Variants in HPSE2 observed in about 807,000 individuals in gnomAD.
HPSE2 encodes the protein inactive heparanase-2.
HPSE2 carries 38 observed loss-of-function variants against 60.5 expected under a neutral mutation model. The ratio of observed to expected loss-of-function variants is 0.63; its 90% CI spans 0.48 to 0.82. The LOEUF is 0.82. Ranked by LOEUF, HPSE2 falls within the 40% of genes least tolerant of loss-of-function variation. HPSE2 has a pLI of 0.00. For missense variants in HPSE2, 713 were observed against 740.4 expected (o/e 0.96, Z 0.43); for synonymous variants, 295 against 293.2 (o/e 1.01, Z -0.06).
At chr10:99,102,097 CA>C (rs1168120143) in intron 3 of HPSE2, among the ~76,000 whole-genome samples, 1 of 152,102 alleles carries the variant, frequency 6.6e-6, no homozygotes, top group Non-Finnish European at 1.5e-5. Flanking sequence ...CAAACACATT[CA>C]AAAGCTAGCA....
At chr10:99,042,570 G>A (rs1473067330) in intron 3 of HPSE2, among the ~76,000 whole-genome samples, 4 of 151,900 alleles carry the variant, frequency 2.6e-5, no homozygotes, top group African/African-American at 7.3e-5. Context: ...CACTGGAGCC[G>A]GAGAGCAGTG....
intron 6 of HPSE2, among the ~76,000 whole-genome samples, chr10:98,669,364 C>G (rs1399676434): frequency 6.6e-6 from 1 of 152,202 alleles, no homozygotes; most frequent in African/African-American, 2.4e-5. Context: ...ATCATTCATT[C>G]CAGCAATCCC....
intron 3 of HPSE2, among the ~76,000 whole-genome samples, chr10:98,764,646 A>G (rs916395843): frequency 5.2e-4 from 79 of 152,192 alleles, no homozygotes; most frequent in Middle Eastern, 3.4e-3. Flanking sequence ...TTGAGGTCAG[A>G]AGTTCGAGAC....
chr10:99,100,340 C>A (rs1281333698), intron 3 of HPSE2, among the ~76,000 whole-genome samples: 1 of 152,060 alleles, frequency 6.6e-6, no homozygotes, highest in Non-Finnish European at 1.5e-5. Context: ...AACTACATGA[C>A]AAATACATAA....
At chr10:98,758,558 C>T (rs1233345745) in intron 3 of HPSE2, among the ~76,000 whole-genome samples, 1 of 152,102 alleles carries the variant, frequency 6.6e-6, no homozygotes, top group African/African-American at 2.4e-5. Flanking sequence ...AAGACATACA[C>T]ATGGCCCACA....
At chr10:98,696,292 TAA>T (rs71009706) in intron 5 of HPSE2, among the ~76,000 whole-genome samples, 83 of 89,650 alleles carry the variant, frequency 9.3e-4, no homozygotes, top group Middle Eastern at 7.0e-3. Context: ...GAGGCTCCCA[TAA>T]AAAAAAAAAA....
intron 4 of HPSE2, among the ~76,000 whole-genome samples, chr10:98,731,094 G>C (rs961463098): frequency 2.0e-5 from 3 of 152,116 alleles, no homozygotes; most frequent in Non-Finnish European, 4.4e-5. Flanking sequence ...AGACCCACCT[G>C]GCCAACATGG....
intron 6 of HPSE2, among the ~76,000 whole-genome samples, chr10:98,669,482 C>G (rs1307338434): frequency 2.0e-5 from 3 of 152,230 alleles, no homozygotes; most frequent in African/African-American, 7.2e-5. Flanking sequence ...GGAAATCAAC[C>G]TACATGCCCA....
intron 11 of HPSE2, among the ~76,000 whole-genome samples, chr10:98,466,466 A>C (rs1940535355): frequency 6.6e-6 from 1 of 151,950 alleles, no homozygotes; most frequent in Non-Finnish European, 1.5e-5. Flanking sequence ...ACAAAAATTA[A>C]CGGGCGTGGT....
chr10:99,279,946 C>T, the HPSE2 span, among the ~76,000 whole-genome samples: 109 of 152,270 alleles, frequency 7.2e-4, no homozygotes, highest in African/African-American at 2.6e-3. Context: ...TCAGAGGAGA[C>T]CCAGAGGCCT....
chr10:98,732,394 C>G (rs1440346562), intron 4 of HPSE2, among the ~76,000 whole-genome samples: 7 of 152,072 alleles, frequency 4.6e-5, no homozygotes, highest in Admixed American at 2.0e-4. Flanking sequence ...CTTTGTAAAG[C>G]TATTGTAATT....
intron 9 of HPSE2, among the ~76,000 whole-genome samples, chr10:98,601,358 A>G (rs1343802877): frequency 1.3e-5 from 2 of 152,206 alleles, no homozygotes; most frequent in Non-Finnish European, 2.9e-5. Context: ...CCATCATACT[A>G]TATAAGAAAA....
At chr10:98,531,163 T>C (rs986526687) in intron 9 of HPSE2, among the ~76,000 whole-genome samples, 9 of 152,028 alleles carry the variant, frequency 5.9e-5, no homozygotes, top group African/African-American at 2.2e-4. Context: ...TCAAAAGCAA[T>C]AGGTGCTAAA....
At chr10:99,168,459 G>A (rs1847173530) in intron 2 of HPSE2, among the ~76,000 whole-genome samples, 1 of 152,142 alleles carries the variant, frequency 6.6e-6, no homozygotes, top group Admixed American at 6.5e-5. Flanking sequence ...TTTATCTAGA[G>A]ATGTTCATGA....
At chr10:99,160,019 T>C (rs948267594) in intron 2 of HPSE2, among the ~76,000 whole-genome samples, 3 of 151,806 alleles carry the variant, frequency 2.0e-5, no homozygotes, top group African/African-American at 7.3e-5. Flanking sequence ...CACATGCCTT[T>C]AATCCCAGCG....
intron 3 of HPSE2, among the ~76,000 whole-genome samples, chr10:98,863,539 A>T (rs1356315033): frequency 6.6e-6 from 1 of 152,148 alleles, no homozygotes; most frequent in Non-Finnish European, 1.5e-5. Context: ...ACTGAAGGTT[A>T]GTCAGTAGAA....
At chr10:98,822,647 A>AAAACCCAT (rs1179344438) in intron 3 of HPSE2, among the ~76,000 whole-genome samples, 1 of 152,242 alleles carries the variant, frequency 6.6e-6, no homozygotes, top group Admixed American at 6.5e-5. Context: ...AACAGAAAAC[A>AAAACCCAT]AAACCCATAA....
chr10:99,175,986 AGTGGAC>A (rs2133815603), intron 2 of HPSE2, among the ~76,000 whole-genome samples: 1 of 152,332 alleles, frequency 6.6e-6, no homozygotes, highest in Non-Finnish European at 1.5e-5. Context: ...AATGGCCTGG[AGTGGAC>A]CTCCAGCAAA....
At chr10:98,587,909 C>T (rs1944982067) in intron 9 of HPSE2, among the ~76,000 whole-genome samples, 1 of 152,164 alleles carries the variant, frequency 6.6e-6, no homozygotes, top group South Asian at 2.1e-4. Flanking sequence ...TTCACTGAAA[C>T]AAAAGAATAC....
Sources: gnomAD v4.1 joint callset for allele counts (sites outside exome capture counted in the v4.1 genomes callset) on GRCh38, gnomAD v4.1.1 for gene constraint, MANE v1.5 for transcripts, NCBI Gene and HGNC (gene_info 2026-07-23, HGNC 2026-07-21) for gene names.